The following SIK2 variants were observed in gnomAD, a reference collection of about 807,000 sequenced individuals.
The protein encoded by SIK2 is serine/threonine-protein kinase SIK2.
In SIK2, 29 loss-of-function variants were observed where a neutral mutation model predicts 103.2. The ratio of observed to expected loss-of-function variants is 0.28; its 90% CI spans 0.21 to 0.38. The LOEUF (loss-of-function observed/expected upper bound fraction) is 0.38, where lower values mean the gene tolerates loss of function less well. Ranked by LOEUF, SIK2 falls within the 10% of genes least tolerant of loss-of-function variation. SIK2 has a pLI of 1.00. For missense variants in SIK2, 879 were observed against 1,171.0 expected, an observed-to-expected ratio of 0.75 and a Z score of 3.64; for synonymous variants, 412 against 446.1, an observed-to-expected ratio of 0.92 and a Z score of 0.96.
chr11:111,659,523 T>C (rs1201765084), intron 3 of SIK2, among the ~76,000 whole-genome samples: 1 of 152,238 alleles, frequency 6.6e-6, no homozygotes, highest in East Asian at 1.9e-4. Context: ...TTTATTGGCC[T>C]CTCTGCTTCT....
chr11:111,612,914 G>GGATA (rs1565306804), intron 1 of SIK2, among the ~76,000 whole-genome samples: 5 of 36,058 alleles, frequency 1.4e-4, no homozygotes, highest in African/African-American at 6.8e-4. Context: ...GATAGCAATG[G>GGATA]GATATATATA....
intron 2 of SIK2, among the ~76,000 whole-genome samples, chr11:111,619,742 A>G (rs1395868887): frequency 6.6e-6 from 1 of 152,252 alleles, no homozygotes; most frequent in African/African-American, 2.4e-5. Flanking sequence ...AATGCATTTA[A>G]ATAAAAGTAT....
At chr11:111,678,971 A>G (rs1942743573) in intron 3 of SIK2, among the ~76,000 whole-genome samples, 1 of 152,372 alleles carries the variant, frequency 6.6e-6, no homozygotes, top group South Asian at 2.1e-4. Context: ...CTTGCCCAAC[A>G]TGACACAGCA....
chr11:111,625,611 C>T (rs368852535), intron 3 of SIK2, among the ~76,000 whole-genome samples: 8 of 152,258 alleles, frequency 5.3e-5, no homozygotes, highest in African/African-American at 1.9e-4. Context: ...ACATCTGTGA[C>T]AAATGATGCC....
chr11:111,676,392 T>A (rs1942703710), intron 3 of SIK2, among the ~76,000 whole-genome samples: 1 of 152,222 alleles, frequency 6.6e-6, no homozygotes, highest in East Asian at 1.9e-4. Context: ...TATATAAGCA[T>A]TCCCATTTCT....
At chr11:111,691,096 T>A (rs1044370911) in intron 4 of SIK2, among the ~76,000 whole-genome samples, 9 of 152,216 alleles carry the variant, frequency 5.9e-5, no homozygotes, top group African/African-American at 1.7e-4. Context: ...TATAACCAAG[T>A]TTTGCCTGGC....
chr11:111,681,111 C>A (rs1210509292), intron 3 of SIK2, among the ~76,000 whole-genome samples: 1 of 152,152 alleles, frequency 6.6e-6, no homozygotes, highest in Non-Finnish European at 1.5e-5. Context: ...GTTGAAATGT[C>A]AAATATCATT....
chr11:111,628,346 G>A (rs779620858), intron 3 of SIK2, among the ~76,000 whole-genome samples: 3 of 151,626 alleles, frequency 2.0e-5, no homozygotes, highest in Non-Finnish European at 2.9e-5. Flanking sequence ...AGTTTGTTAC[G>A]GATGATACAG....
At chr11:111,708,257 TTATAATCCCAGC>T (rs1943404839) in intron 8 of SIK2, among the ~76,000 whole-genome samples, 1 of 152,042 alleles carries the variant, frequency 6.6e-6, no homozygotes, top group Admixed American at 6.6e-5. Flanking sequence ...TAGTGCGTGC[TTATAATCCCAGC>T]TATGCGGGAG....
chr11:111,620,975 T>C (rs1344062946), intron 3 of SIK2, among the ~76,000 whole-genome samples: 1 of 152,282 alleles, frequency 6.6e-6, no homozygotes, highest in Non-Finnish European at 1.5e-5. Context: ...TATTTTATTC[T>C]AGCTTTCACC....
chr11:111,636,424 C>G (rs1255508844), intron 3 of SIK2, among the ~76,000 whole-genome samples: 1 of 152,130 alleles, frequency 6.6e-6, no homozygotes. Flanking sequence ...TATTGAGGGC[C>G]TGTTATGTGT....
At chr11:111,622,095 A>AC (rs1941894617) in intron 3 of SIK2, among the ~76,000 whole-genome samples, 1 of 152,044 alleles carries the variant, frequency 6.6e-6, no homozygotes, top group Admixed American at 6.5e-5. Flanking sequence ...CAGTGTAGCT[A>AC]CCTTTTTCTT....
chr11:111,615,845 G>A (rs1194692896), intron 1 of SIK2, among the ~76,000 whole-genome samples: 1 of 152,146 alleles, frequency 6.6e-6, no homozygotes, highest in African/African-American at 2.4e-5. Context: ...TGCAACAGAA[G>A]CTATCTTCCG....
rs560157344 is a variant in SIK2, at chr11:111,727,066, C to A, written c.*2937C>A. 6.2e-7 allele frequency: 1 copy of A among 1,612,098 alleles called. No individual in the cohort carries two copies. Among genetic ancestry groups the A allele is most frequent in the Non-Finnish European group, 8.5e-7 (1 of 1,178,466 alleles). On this transcript the variant is annotated 3_prime_UTR_variant, in exon 15 of 15. Coordinates refer to ENST00000304987, the MANE Select transcript of SIK2 (RefSeq NM_015191.3). ...AACTGATACACTGGTCCCTGTAAGG[C>A]AAACAGCATGTTAGCCCGACAGGAA...
At chr11:111,715,315 A>C (rs1943609175) in intron 9 of SIK2, among the ~76,000 whole-genome samples, 1 of 152,228 alleles carries the variant, frequency 6.6e-6, no homozygotes, top group Non-Finnish European at 1.5e-5. Context: ...GTGCACACAC[A>C]CACACAGAAA....
At chr11:111,679,784 C>T (rs1351226053) in intron 3 of SIK2, among the ~76,000 whole-genome samples, 2 of 152,030 alleles carry the variant, frequency 1.3e-5, no homozygotes, top group African/African-American at 4.8e-5. Context: ...TGGCAAGAAC[C>T]AGCACAAGCT....
At chr11:111,635,655 T>C (rs1714117396) in intron 3 of SIK2, among the ~76,000 whole-genome samples, 1 of 152,262 alleles carries the variant, frequency 6.6e-6, no homozygotes, top group Admixed American at 6.5e-5. Context: ...AATAAATTGT[T>C]TTTAAACTTC....
At chr11:111,615,844 A>C (rs998761133) in intron 1 of SIK2, among the ~76,000 whole-genome samples, 2 of 152,216 alleles carry the variant, frequency 1.3e-5, no homozygotes, top group African/African-American at 4.8e-5. Flanking sequence ...GTGCAACAGA[A>C]GCTATCTTCC....
At position 111,726,783 on chromosome 11, in the gene SIK2, T is replaced by C. The variant is rs1943981696; in HGVS notation, c.*2654T>C. 2 of 603,602 alleles carry C rather than the reference T, an allele frequency of 3.3e-6. No individual in the cohort carries two copies. Among genetic ancestry groups the C allele is most frequent in the Non-Finnish European group, 5.9e-6 (2 of 337,402 alleles). 37.4% of individuals were successfully genotyped at this position (603,602 alleles called of 1,614,324 possible). ...GCTACTCTGAAGTACTGACTTGCTTTCCAGTCTGATTCACGTTAGCAGTGT... is the reference window on the plus strand; with the variant it reads ...GCTACTCTGAAGTACTGACTTGCTTCCCAGTCTGATTCACGTTAGCAGTGT... On this transcript the variant is annotated 3_prime_UTR_variant, in exon 15 of 15. Transcript: ENST00000304987.
Sources: gnomAD v4.1 joint callset for allele counts (sites outside exome capture counted in the v4.1 genomes callset) on GRCh38, gnomAD v4.1.1 for gene constraint, MANE v1.5 for transcripts, NCBI Gene and HGNC (gene_info 2026-07-23, HGNC 2026-07-21) for gene names.